PAPOLA: variants seen among roughly 807,000 people sequenced by gnomAD.
PAPOLA encodes the protein poly(A) polymerase alpha, also known as polynucleotide adenylyltransferase alpha.
PAPOLA carries 15 observed loss-of-function variants against 100.6 expected under a neutral mutation model. That is an observed-to-expected ratio of 0.15 (90% CI 0.10 to 0.23). The LOEUF (loss-of-function observed/expected upper bound fraction) is 0.23. Among genes scored for constraint, PAPOLA ranks in the 10% least tolerant of loss-of-function variants. The probability of loss-of-function intolerance (pLI) is 1.00; values close to 1 mark genes in which losing one functional copy is unlikely to be tolerated. For synonymous variants in PAPOLA, 293 were observed against 300.0 expected, an observed-to-expected ratio of 0.98 and a Z score of 0.24; for missense variants, 533 against 884.2, an observed-to-expected ratio of 0.60 and a Z score of 5.04.
intron 11 of PAPOLA, 161 bp from the exon 12 acceptor site, chr14:96,536,815 G>T (rs1283794379): frequency 2.6e-5 from 12 of 463,658 alleles, no homozygotes; most frequent in African/African-American, 1.2e-4. Flanking sequence ...AAAAAAATGT[G>T]TATATATATA....
intron 11 of PAPOLA, among the ~76,000 whole-genome samples, chr14:96,536,546 C>T (rs1044037737): frequency 6.6e-6 from 1 of 151,972 alleles, no homozygotes; most frequent in Non-Finnish European, 1.5e-5. Flanking sequence ...TAAATTTAGA[C>T]GTTTAAAATT....
At chr14:96,512,161 A>G (rs959555320) in intron 1 of PAPOLA, among the ~76,000 whole-genome samples, 4 of 152,160 alleles carry the variant, frequency 2.6e-5, no homozygotes, top group African/African-American at 4.8e-5. Flanking sequence ...ATAATTTAAC[A>G]TGTTGAAACA....
intron 1 of PAPOLA, 42 bp downstream of exon 1, chr14:96,502,642 G>T (rs1262891328): frequency 6.4e-7 from 1 of 1,559,080 alleles, no homozygotes; most frequent in Non-Finnish European, 8.7e-7. Context: ...CGCCGGCTGG[G>T]CCTTGGGGGG....
At chr14:96,555,285 G>A (rs1421645463) in intron 17 of PAPOLA, among the ~76,000 whole-genome samples, 1 of 145,606 alleles carries the variant, frequency 6.9e-6, no homozygotes, top group Non-Finnish European at 1.5e-5. Context: ...TGTGTTGTCC[G>A]GGCTAGTTTC....
intron 17 of PAPOLA, 83 bp from the exon 18 acceptor site, chr14:96,555,762 CTA>C (rs1381602328): frequency 4.7e-6 from 3 of 632,984 alleles, no homozygotes; most frequent in Non-Finnish European, 5.2e-6. Flanking sequence ...AAAATAATTT[CTA>C]TATATGTTAT....
chr14:96,507,545 G>A (rs1896818201), intron 1 of PAPOLA, among the ~76,000 whole-genome samples: 3 of 152,102 alleles, frequency 2.0e-5, no homozygotes, highest in Non-Finnish European at 2.9e-5. Flanking sequence ...AAAGTGCTGG[G>A]ATTACAGGCG....
chr14:96,554,847 A>T (rs1487412809), intron 17 of PAPOLA, among the ~76,000 whole-genome samples: 1 of 152,142 alleles, frequency 6.6e-6, no homozygotes. Context: ...GGGCTTTTTT[A>T]TATAATAAGG....
chr14:96,562,608 T>G, intron 20 of PAPOLA: 1 of 372,224 alleles, frequency 2.7e-6, no homozygotes, highest in Non-Finnish European at 5.0e-6. Flanking sequence ...CTTATAAGAT[T>G]TAAGTAGGCA....
At chr14:96,551,603 A>C (rs1389924236) in intron 16 of PAPOLA, among the ~76,000 whole-genome samples, 2 of 152,206 alleles carry the variant, frequency 1.3e-5, no homozygotes, top group South Asian at 2.1e-4. Flanking sequence ...CAACAGTATA[A>C]ATTATTTTCA....
Position 96,525,102 on chromosome 14 carries a change from CT to C in PAPOLA, c.250-207del, listed in dbSNP as rs1401752892. ...AAGAATCTAACAATAAAGAATAAAC[CT>C]CTTTAAAAGTTGAAAATGGTTTGAA... On this transcript the variant is annotated intron_variant, in intron 3 of 21. Coordinates refer to ENST00000216277, the MANE Select transcript of PAPOLA (RefSeq NM_032632.5). Among the ~76,000 whole-genome samples the C allele has an allele frequency of 3.3e-5, 5 of 152,176 alleles. No homozygotes were observed. The East Asian group carries it at 9.6e-4, about 29-fold the overall frequency.
chr14:96,542,812 G>A lies in PAPOLA; in HGVS notation c.1208G>A (p.Gly403Glu). 6.2e-7 allele frequency: 1 copy of A among 1,612,200 alleles called. No individual in the cohort carries two copies. The highest frequency in any genetic ancestry group is 1.1e-5 in the South Asian group (1 of 90,574). The stretch of plus-strand genomic sequence containing the variant: ...GAATCAAAAATCCGAATCCTGGTTG[G>A]AAGCTTGGAGAAGAATGAATTTATT... ...LVESKIRILVGSLEKNEFITL... is the reference protein window; with the variant it reads ...LVESKIRILVESLEKNEFITL... Residue 403 changes from glycine (G) to glutamate (E), a missense_variant, in exon 14 of 22, where the codon GGA becomes GAA. Gly to Glu is a moderately conservative substitution (Grantham distance 98, BLOSUM62 -2). This residue lies in a region of PAPOLA where 87 missense variants were observed against 173.3 expected (regional missense o/e 0.50). Transcript: ENST00000216277.
At chr14:96,533,969 A>AGT in intron 9 of PAPOLA, 2 of 985,554 alleles carry the variant, frequency 2.0e-6, no homozygotes, top group East Asian at 1.1e-4. Context: ...ATGGGACCAA[A>AGT]GTAGCTAGTT....
Position 96,560,670 on chromosome 14 carries a change from A to G in PAPOLA, c.2026A>G (p.Asn676Asp), listed in dbSNP as rs148609068. The G allele has an allele frequency of 1.2e-6, 2 of 1,608,362 alleles. No individual in the cohort carries two copies. The highest frequency in any genetic ancestry group is 2.7e-5 in the African/African-American group (2 of 74,708). ...TEEDETSEDANCLALSGHDKT... is the reference protein window; with the variant it reads ...TEEDETSEDADCLALSGHDKT... ...ACAGGATGAAACAAGTGAAGATGCT[A>G]ACTGTCTTGCTTTGAGTGGACATGA... Residue 676 changes from asparagine to aspartate, a missense_variant, in exon 20 of 22, where the codon AAC (asparagine) becomes GAC (aspartate). By Grantham distance (23) the Asn-to-Asp change is conservative (BLOSUM62 1). Coordinates refer to ENST00000216277, the MANE Select transcript of PAPOLA (RefSeq NM_032632.5).
chr14:96,502,496 G>GCCCCCC lies in PAPOLA; in HGVS notation c.-94_-89dup. 1.0e-6 allele frequency: 1 copy of GCCCCCC among 958,958 alleles called. No individual in the cohort carries two copies. The allele number at this position is 958,958 out of a possible 1,614,324, so 59.4% of individuals were successfully genotyped here. A position where few individuals can be genotyped will look rare whatever the true frequency, so the allele number is the denominator to read the frequency against. ...GGGGTTGGACCCAGGGCTGAGGCAG[G>GCCCCCC]CCCCCCCCTCCCTCCCGCCTCAGTG... is the stretch of plus-strand genomic sequence containing the variant. On this transcript the variant is annotated 5_prime_UTR_variant, in exon 1 of 22. Transcript: ENST00000216277.
chr14:96,533,546 C>CTTTTTTTTTTTTTTTTTTT (rs1172413058), intron 9 of PAPOLA: 2 of 574,906 alleles, frequency 3.5e-6, no homozygotes, highest in African/African-American at 2.9e-5. Flanking sequence ...GTCAGAATTT[C>CTTTTTTTTTTTTTTTTTTT]TTTTTTTTTT....
chr14:96,548,976 A>T (rs1352768577), intron 16 of PAPOLA, among the ~76,000 whole-genome samples: 1 of 152,216 alleles, frequency 6.6e-6, no homozygotes, highest in Non-Finnish European at 1.5e-5. Context: ...GTGAAATTTG[A>T]GCAAGTTACA....
chr14:96,543,925 G>A (rs1900186638), intron 14 of PAPOLA, among the ~76,000 whole-genome samples: 1 of 152,206 alleles, frequency 6.6e-6, no homozygotes, highest in South Asian at 2.1e-4. Flanking sequence ...TCAATGCACA[G>A]TTAGTAAGAG....
intron 17 of PAPOLA, among the ~76,000 whole-genome samples, chr14:96,554,433 T>G (rs557284270): frequency 6.6e-6 from 1 of 152,364 alleles, no homozygotes; most frequent in African/African-American, 2.4e-5. Context: ...TTGACTACAT[T>G]TACATTCATA....
chr14:96,560,990 G>A (rs902891591), intron 20 of PAPOLA, among the ~76,000 whole-genome samples: 1 of 152,106 alleles, frequency 6.6e-6, no homozygotes, highest in African/African-American at 2.4e-5. Context: ...TGGGGGCCAC[G>A]GGGCAAGAAA....
Sources: gnomAD v4.1 joint callset for allele counts (sites outside exome capture counted in the v4.1 genomes callset) on GRCh38, gnomAD v4.1.1 for gene constraint, gnomAD v4.1.1 regional missense constraint, MANE v1.5 for transcripts, NCBI Gene and HGNC (gene_info 2026-07-23, HGNC 2026-07-21) for gene names.